PTPRQ: variants seen among roughly 807,000 people sequenced by gnomAD.
PTPRQ encodes phosphatidylinositol phosphatase PTPRQ.
PTPRQ carries 199 observed loss-of-function variants against 246.0 expected under a neutral mutation model. That is an observed-to-expected ratio of 0.81 (90% CI 0.72 to 0.91). The LOEUF is 0.91. Ranked by LOEUF, PTPRQ falls within the 40% of genes least tolerant of loss-of-function variation. PTPRQ has a pLI of 0.00. For missense variants in PTPRQ, 2,624 were observed against 2,528.4 expected (o/e 1.04, Z -0.81); for synonymous variants, 869 against 853.2 (o/e 1.02, Z -0.32).
chr12:80,619,589 T>C (rs191372732), intron 31 of PTPRQ, 47 bp downstream of exon 31: 18 of 1,378,462 alleles, frequency 1.3e-5, no homozygotes, highest in Admixed American at 5.6e-5. Context: ...GAGTGTAGAT[T>C]ACTGAGTGCT....
intron 9 of PTPRQ, among the ~76,000 whole-genome samples, chr12:80,489,378 G>A (rs1371190834): frequency 6.7e-6 from 1 of 148,918 alleles, no homozygotes; most frequent in South Asian, 2.1e-4. Flanking sequence ...TCTTTGGGGG[G>A]ACAATAAAGC....
intron 17 of PTPRQ, among the ~76,000 whole-genome samples, chr12:80,529,013 C>T (rs1895770105): frequency 6.6e-6 from 1 of 152,070 alleles, no homozygotes; most frequent in African/African-American, 2.4e-5. Flanking sequence ...AAATGAATAC[C>T]TTGCTTTGAC....
chr12:80,581,799 G>A (rs1052097475), intron 25 of PTPRQ, among the ~76,000 whole-genome samples: 2 of 151,942 alleles, frequency 1.3e-5, no homozygotes, highest in African/African-American at 2.4e-5. Flanking sequence ...AGAAAAAAAA[G>A]TAGAAAAAAT....
chr12:80,498,848 T>C (rs1894708777), intron 14 of PTPRQ, among the ~76,000 whole-genome samples: 1 of 151,926 alleles, frequency 6.6e-6, no homozygotes, highest in Non-Finnish European at 1.5e-5. Flanking sequence ...TATAAAGCAA[T>C]GTTTTTGTTT....
chr12:80,672,395 T>C (rs1311328054), intron 42 of PTPRQ, among the ~76,000 whole-genome samples: 1 of 151,712 alleles, frequency 6.6e-6, no homozygotes, highest in African/African-American at 2.4e-5. Flanking sequence ...CTTGCCAATG[T>C]TTGAATGTTT....
At chr12:80,462,164 T>C (rs1831944745) in intron 6 of PTPRQ, 1 of 220,798 alleles carries the variant, frequency 4.5e-6, no homozygotes, top group Non-Finnish European at 9.2e-6. Context: ...CCCACCCGAA[T>C]ACTGCGCTTT....
chr12:80,564,186 C>T (rs914910302), intron 25 of PTPRQ, among the ~76,000 whole-genome samples: 3 of 152,154 alleles, frequency 2.0e-5, no homozygotes, highest in African/African-American at 7.2e-5. Context: ...TGGTGCGCTG[C>T]ACCCACTATC....
chr12:80,652,233 A>G (rs889330005), intron 37 of PTPRQ, among the ~76,000 whole-genome samples: 10 of 152,088 alleles, frequency 6.6e-5, no homozygotes, highest in African/African-American at 2.4e-4. Context: ...ATAATTCTTA[A>G]TTGCACCTTT....
intron 28 of PTPRQ, 46 bp downstream of exon 28, chr12:80,610,671 C>G: frequency 6.5e-7 from 1 of 1,532,556 alleles, no homozygotes. Flanking sequence ...TGAGATTTAG[C>G]TGGCTTTCTT....
intron 39 of PTPRQ, among the ~76,000 whole-genome samples, chr12:80,658,354 T>A (rs1180748906): frequency 1.3e-5 from 2 of 152,086 alleles, no homozygotes; most frequent in East Asian, 3.9e-4. Flanking sequence ...GTATTCTCCA[T>A]ATGCAATGAA....
At chr12:80,519,035 A>T (rs1403211877) in intron 17 of PTPRQ, among the ~76,000 whole-genome samples, 3 of 152,064 alleles carry the variant, frequency 2.0e-5, no homozygotes, top group Non-Finnish European at 4.4e-5. Context: ...TTTGACAGAG[A>T]TTGCATTGCA....
chr12:80,606,261 G>T (rs1898316759), intron 27 of PTPRQ, among the ~76,000 whole-genome samples: 3 of 150,882 alleles, frequency 2.0e-5, no homozygotes, highest in Non-Finnish European at 4.5e-5. Context: ...CCAGATTTGG[G>T]TAATGTTAGT....
At chr12:80,631,801 G>C (rs1200286923) in intron 33 of PTPRQ, among the ~76,000 whole-genome samples, 1 of 152,190 alleles carries the variant, frequency 6.6e-6, no homozygotes, top group East Asian at 1.9e-4. Flanking sequence ...ACAGTTGAAA[G>C]GAGGGAAGTG....
intron 7 of PTPRQ, among the ~76,000 whole-genome samples, chr12:80,469,738 C>A (rs1370985126): frequency 6.6e-6 from 1 of 152,150 alleles, no homozygotes; most frequent in Non-Finnish European, 1.5e-5. Flanking sequence ...AAGATAATTC[C>A]CTCCACTCAC....
chr12:80,548,458 C>T (rs61951067), intron 24 of PTPRQ, among the ~76,000 whole-genome samples: 8,170 of 152,150 alleles, frequency 0.054, 290 homozygotes, highest in East Asian at 0.16. Flanking sequence ...TTTTTTAATG[C>T]CACATATTCC....
At chr12:80,515,247 T>C (rs1319186585) in intron 17 of PTPRQ, among the ~76,000 whole-genome samples, 1 of 152,086 alleles carries the variant, frequency 6.6e-6, no homozygotes, top group African/African-American at 2.4e-5. Context: ...GTTTGAATCT[T>C]GGCTCTGACA....
At chr12:80,529,385 T>C (rs1263323984) in intron 17 of PTPRQ, among the ~76,000 whole-genome samples, 1 of 152,148 alleles carries the variant, frequency 6.6e-6, no homozygotes, top group Admixed American at 6.6e-5. Context: ...AGATGTATCA[T>C]CAGGGTAGAT....
chr12:80,606,210 T>C (rs1372222570), intron 27 of PTPRQ, among the ~76,000 whole-genome samples: 5 of 150,984 alleles, frequency 3.3e-5, no homozygotes, highest in Non-Finnish European at 5.9e-5. Flanking sequence ...ATTGGCAGTA[T>C]TAAATATGGA....
At chr12:80,600,692 T>C (rs1047920810) in intron 26 of PTPRQ, among the ~76,000 whole-genome samples, 9 of 151,804 alleles carry the variant, frequency 5.9e-5, no homozygotes, top group African/African-American at 2.2e-4. Context: ...CAAATAGATG[T>C]TGGAGATGAT....
Sources: gnomAD v4.1 joint callset for allele counts (sites outside exome capture counted in the v4.1 genomes callset) on GRCh38, gnomAD v4.1.1 for gene constraint, MANE v1.5 for transcripts, NCBI Gene and HGNC (gene_info 2026-07-23, HGNC 2026-07-21) for gene names.